Variants in TRIM37 observed in about 807,000 individuals in gnomAD.
The protein encoded by TRIM37 is tripartite motif containing 37.
In TRIM37, 80 loss-of-function variants were observed where a neutral mutation model predicts 129.8. The observed-to-expected ratio is 0.62, with a 90% CI of 0.51 to 0.74. The LOEUF (loss-of-function observed/expected upper bound fraction) is 0.74, where lower values mean the gene tolerates loss of function less well. Among genes scored for constraint, TRIM37 ranks in the 30% least tolerant of loss-of-function variants. The pLI is 0.00. For missense variants in TRIM37, 1,054 were observed against 1,176.5 expected (o/e 0.90, Z 1.52); for synonymous variants, 389 against 387.1 (o/e 1.00, Z -0.06).
chr17:59,001,572 G>A (rs372438937), intron 23 of TRIM37, 26 bp downstream of exon 23: 27 of 1,613,560 alleles, frequency 1.7e-5, no homozygotes, highest in Non-Finnish European at 2.2e-5. Context: ...TTAGTAATCT[G>A]TGTAAAATGA....
chr17:58,992,059 T>C (rs1031056506), intron 24 of TRIM37, among the ~76,000 whole-genome samples: 2 of 151,860 alleles, frequency 1.3e-5, no homozygotes, highest in South Asian at 4.1e-4. Flanking sequence ...TTTGCTATCC[T>C]ACTCATGTTT....
At chr17:58,986,159 T>TCC (rs71367652) in intron 24 of TRIM37, among the ~76,000 whole-genome samples, 21 of 151,500 alleles carry the variant, frequency 1.4e-4, no homozygotes, top group African/African-American at 5.1e-4. Flanking sequence ...AACTGAGCAT[T>TCC]CCCCCCCACA....
chr17:58,983,463 G>A (rs2031507806), intron 24 of TRIM37: 1 of 152,680 alleles, frequency 6.5e-6, no homozygotes, highest in African/African-American at 2.4e-5. Flanking sequence ...TAACGCCACT[G>A]GTGATAGGAA....
chr17:59,007,231 C>CCACACACACACACACACA (rs35675752), intron 22 of TRIM37, among the ~76,000 whole-genome samples: 4 of 97,546 alleles, frequency 4.1e-5, no homozygotes, highest in African/African-American at 1.6e-4. Context: ...CCCCACCCAC[C>CCACACACACACACACACA]CACACACACA....
intron 7 of TRIM37, among the ~76,000 whole-genome samples, chr17:59,076,624 T>G (rs1408622777): frequency 6.6e-6 from 1 of 152,184 alleles, no homozygotes; most frequent in African/African-American, 2.4e-5. Context: ...TTTATATGTT[T>G]TGAAACAAAA....
At chr17:59,081,397 T>C (rs1309059185) in intron 5 of TRIM37, among the ~76,000 whole-genome samples, 178 bp from the exon 6 acceptor site, 1 of 152,186 alleles carries the variant, frequency 6.6e-6, no homozygotes, top group Non-Finnish European at 1.5e-5. Flanking sequence ...TTGGTCCAAG[T>C]AGGAACTCTT....
intron 5 of TRIM37, among the ~76,000 whole-genome samples, chr17:59,081,907 A>C (rs34817776): frequency 0.36 from 48,661 of 136,180 alleles, 8,425 homozygotes; most frequent in Middle Eastern, 0.47. Flanking sequence ...TGTCCCCCCC[A>C]AAAAATAATA....
chr17:59,031,836 T>C (rs1256592311), intron 18 of TRIM37, 60 bp downstream of exon 18: 3 of 1,547,902 alleles, frequency 1.9e-6, no homozygotes, highest in African/African-American at 2.7e-5. Flanking sequence ...TAAATGAAAA[T>C]CCAAGAGTTC....
Position 59,091,348 on chromosome 17 carries a change from G to A in TRIM37, c.124-8C>T, listed in dbSNP as rs527649689. ...CTGCTCTGTCAGCCAGCGCTAAGGG[G>A]GCAAAAGATTAGATATCGATTAGAA... On this transcript the variant is annotated splice_polypyrimidine_tract_variant and splice_region_variant and intron_variant, in intron 2 of 23. Transcript: ENST00000262294. 4 of 1,531,728 alleles carry A rather than the reference G, an allele frequency of 2.6e-6. No homozygotes were observed. Among genetic ancestry groups the A allele is most frequent in the East Asian group, 2.5e-5 (1 of 40,702 alleles). The allele number at this position is 1,531,728 out of a possible 1,614,324, so 94.9% of individuals were successfully genotyped here.
intron 7 of TRIM37, among the ~76,000 whole-genome samples, chr17:59,077,809 CAAA>C (rs36007655): frequency 1.4e-5 from 1 of 71,364 alleles, no homozygotes. Flanking sequence ...GACTCCATCT[CAAA>C]AAAAAAAAAA....
At position 58,999,436 on chromosome 17, in the gene TRIM37, C is replaced by T. The variant is rs1455292231; in HGVS notation, c.2836G>A (p.Gly946Ser). The T allele has an allele frequency of 1.9e-6, 3 of 1,613,160 alleles. No individual in the cohort carries two copies. The East Asian group carries it at 6.7e-5, about 36-fold the overall frequency. ...AGATCTTCAGGGCCTATTTGTTCAC[C>T]ATCAGGAAAACTGGAATGTGTATCT... The part of the protein sequence containing the change: ...DEDTHSSFPD[G>S]EQIGPEDLSF... Residue 946 changes from glycine (G) to serine (S), a missense_variant, in exon 24 of 24, where the codon GGT becomes AGT. Coordinates refer to ENST00000262294, the MANE Select transcript of TRIM37 (RefSeq NM_015294.6).
At chr17:59,071,958 T>G (rs759682886) in intron 8 of TRIM37, among the ~76,000 whole-genome samples, 2 of 152,236 alleles carry the variant, frequency 1.3e-5, no homozygotes, top group African/African-American at 4.8e-5. Flanking sequence ...CTATCTGTTA[T>G]GTGCTGAATT....
At chr17:59,021,226 T>C (rs2036562595) in intron 19 of TRIM37, among the ~76,000 whole-genome samples, 1 of 152,068 alleles carries the variant, frequency 6.6e-6, no homozygotes, top group Non-Finnish European at 1.5e-5. Context: ...ACCCCATCTC[T>C]ACTAAAAAAT....
rs1598796960 is a variant in TRIM37 at position 58,999,500 on chromosome 17, C to T, written c.2813-41G>A. On this transcript the variant is annotated intron_variant, in intron 23 of 23. Transcript: ENST00000262294. ...AAATAAAAAATTTAAAATTTAAAAG[C>T]ATATAACAAGGGCAGTATTTTCCTT... The T allele has an allele frequency of 6.6e-6, 10 of 1,519,336 alleles. No homozygotes were observed. The East Asian group carries it at 2.4e-4, about 37-fold the overall frequency. The allele number at this position is 1,519,336 out of a possible 1,614,324, so 94.1% of individuals were successfully genotyped here.
intron 18 of TRIM37, among the ~76,000 whole-genome samples, chr17:59,029,073 A>G (rs986130641): frequency 6.6e-6 from 1 of 152,210 alleles, no homozygotes. Flanking sequence ...AAAAAAAGAC[A>G]AAGAAAAATC....
intron 2 of TRIM37, 86 bp downstream of exon 2, chr17:59,104,207 T>C (rs1243555303): frequency 2.2e-6 from 3 of 1,361,030 alleles, no homozygotes; most frequent in African/African-American, 1.5e-5. Context: ...GGGCAAAAAA[T>C]GTAAAATAAA....
At chr17:59,021,703 G>A (rs1021423998) in intron 19 of TRIM37, among the ~76,000 whole-genome samples, 46 of 152,140 alleles carry the variant, frequency 3.0e-4, no homozygotes, top group African/African-American at 4.8e-4. Flanking sequence ...TCTAGTATTC[G>A]TTAGTACAAC....
intron 9 of TRIM37, among the ~76,000 whole-genome samples, chr17:59,067,635 A>T (rs1395478692): frequency 6.6e-6 from 1 of 151,932 alleles, no homozygotes; most frequent in Non-Finnish European, 1.5e-5. Flanking sequence ...TGTATCTTTT[A>T]TTTTTTCTTT....
At chr17:59,005,703 G>T (rs1001322290) in intron 22 of TRIM37, among the ~76,000 whole-genome samples, 1 of 152,158 alleles carries the variant, frequency 6.6e-6, no homozygotes, top group South Asian at 2.1e-4. Flanking sequence ...ATAATGTCAC[G>T]TTTAGAACTC....
Sources: gnomAD v4.1 joint callset for allele counts (sites outside exome capture counted in the v4.1 genomes callset) on GRCh38, gnomAD v4.1.1 for gene constraint, MANE v1.5 for transcripts, NCBI Gene and HGNC (gene_info 2026-07-23, HGNC 2026-07-21) for gene names.